The following NRG3 variants were observed in gnomAD, a reference collection of about 807,000 sequenced individuals.
The protein encoded by NRG3 is pro-neuregulin-3, membrane-bound isoform.
Under a neutral mutation model 66.9 loss-of-function variants are expected in NRG3, and 31 were observed. The observed-to-expected ratio is 0.46, with a 90% CI of 0.35 to 0.63. The LOEUF (loss-of-function observed/expected upper bound fraction) is 0.63. NRG3 is among the 20% of genes least tolerant of loss of function. The pLI, the probability that NRG3 is intolerant of heterozygous loss-of-function variation, is 0.00. For synonymous variants in NRG3, 393 were observed against 359.4 expected (o/e 1.09, Z -1.06); for missense variants, 910 against 878.9 (o/e 1.04, Z -0.45).
intron 4 of NRG3, among the ~76,000 whole-genome samples, chr10:82,871,877 C>T (rs1197069154): frequency 6.6e-6 from 1 of 151,970 alleles, no homozygotes; most frequent in Non-Finnish European, 1.5e-5. Flanking sequence ...TACCTCTTCC[C>T]TTTCCAATCT....
At chr10:82,664,065 A>G (rs2052573147) in intron 2 of NRG3, among the ~76,000 whole-genome samples, 1 of 152,160 alleles carries the variant, frequency 6.6e-6, no homozygotes, top group Admixed American at 6.5e-5. Context: ...CCCCAGGCTT[A>G]CAGTTTGATA....
chr10:82,655,177 A>T (rs1163975475), intron 2 of NRG3, among the ~76,000 whole-genome samples: 1 of 152,088 alleles, frequency 6.6e-6, no homozygotes, highest in Admixed American at 6.5e-5. Context: ...GTACACGAAG[A>T]CAAAATAAAA....
chr10:81,882,448 A>G (rs920170563), intron 1 of NRG3, among the ~76,000 whole-genome samples: 2 of 152,170 alleles, frequency 1.3e-5, no homozygotes, highest in Non-Finnish European at 2.9e-5. Context: ...ATTTATAAAC[A>G]ATATTTGTTT....
At chr10:82,200,810 G>A (rs2074762632) in intron 1 of NRG3, among the ~76,000 whole-genome samples, 1 of 152,028 alleles carries the variant, frequency 6.6e-6, no homozygotes, top group Admixed American at 6.6e-5. Context: ...TTCAGAAAAA[G>A]GGCTTGCAAT....
intron 2 of NRG3, among the ~76,000 whole-genome samples, chr10:82,723,752 G>A (rs2057436193): frequency 6.6e-6 from 1 of 152,100 alleles, no homozygotes; most frequent in South Asian, 2.1e-4. Flanking sequence ...GGCCGAGGTG[G>A]GCAGATCACT....
chr10:82,891,583 TC>T (rs1843150628), intron 4 of NRG3, among the ~76,000 whole-genome samples: 1 of 152,004 alleles, frequency 6.6e-6, no homozygotes, highest in African/African-American at 2.4e-5. Context: ...CATTTTATGC[TC>T]ATTATCGTTA....
At chr10:81,908,290 A>AT (rs1196693247) in intron 1 of NRG3, among the ~76,000 whole-genome samples, 1 of 152,138 alleles carries the variant, frequency 6.6e-6, no homozygotes, top group Non-Finnish European at 1.5e-5. Context: ...TATTTAGGCA[A>AT]TTTTATCCCT....
intron 1 of NRG3, among the ~76,000 whole-genome samples, chr10:82,065,066 A>G (rs1429640185): frequency 2.0e-5 from 3 of 152,170 alleles, no homozygotes; most frequent in South Asian, 2.1e-4. Flanking sequence ...ACAAACATCT[A>G]TCTCAATATA....
chr10:82,489,507 C>G (rs1166134012), intron 2 of NRG3, among the ~76,000 whole-genome samples: 2 of 152,120 alleles, frequency 1.3e-5, no homozygotes, highest in East Asian at 1.9e-4. Flanking sequence ...AGCAATGTCA[C>G]TCTTAGGAGG....
chr10:82,465,793 A>C (rs192960155), intron 2 of NRG3, among the ~76,000 whole-genome samples: 1 of 152,152 alleles, frequency 6.6e-6, no homozygotes, highest in African/African-American at 2.4e-5. Context: ...TAGAGCCATC[A>C]TGTTAATTCT....
chr10:82,784,634 G>A (rs2060265735), intron 3 of NRG3, among the ~76,000 whole-genome samples: 1 of 152,028 alleles, frequency 6.6e-6, no homozygotes, highest in Non-Finnish European at 1.5e-5. Flanking sequence ...TCAGAGAAAT[G>A]CAAATCAAAA....
intron 1 of NRG3, among the ~76,000 whole-genome samples, chr10:82,142,954 A>T (rs1403740014): frequency 7.0e-6 from 1 of 143,514 alleles, no homozygotes; most frequent in Non-Finnish European, 1.5e-5. Context: ...TTTCTGGTAG[A>T]GACAGAGTCT....
At chr10:82,949,565 G>C (rs528503196) in intron 4 of NRG3, among the ~76,000 whole-genome samples, 2 of 152,108 alleles carry the variant, frequency 1.3e-5, no homozygotes, top group South Asian at 4.2e-4. Flanking sequence ...TACTTAAATA[G>C]AGATCCTGGC....
chr10:82,917,650 T>C (rs1168290686), intron 4 of NRG3, among the ~76,000 whole-genome samples: 1 of 152,154 alleles, frequency 6.6e-6, no homozygotes, highest in Non-Finnish European at 1.5e-5. Context: ...GAGTCATGAC[T>C]GGACCATATT....
intron 2 of NRG3, among the ~76,000 whole-genome samples, chr10:82,711,010 G>C (rs2056631553): frequency 6.6e-6 from 1 of 152,076 alleles, no homozygotes; most frequent in South Asian, 2.1e-4. Flanking sequence ...GGCCTCAATT[G>C]ATCCTCTTGC....
At chr10:82,750,504 A>T (rs1203606336) in intron 3 of NRG3, among the ~76,000 whole-genome samples, 1 of 152,132 alleles carries the variant, frequency 6.6e-6, no homozygotes, top group Non-Finnish European at 1.5e-5. Flanking sequence ...TTTTCTCTTA[A>T]GAGAAACATC....
chr10:82,596,361 A>G (rs1017959021), intron 2 of NRG3, among the ~76,000 whole-genome samples: 4 of 152,208 alleles, frequency 2.6e-5, no homozygotes, highest in Admixed American at 1.3e-4. Context: ...TGCAGATAAT[A>G]ATGAGAAGAA....
intron 2 of NRG3, among the ~76,000 whole-genome samples, chr10:82,510,716 C>T (rs567622738): frequency 3.9e-5 from 6 of 152,270 alleles, no homozygotes; most frequent in African/African-American, 7.2e-5. Flanking sequence ...CTTTTATCTC[C>T]GTATCCTTGA....
intron 1 of NRG3, among the ~76,000 whole-genome samples, chr10:82,174,964 C>T (rs2072917414): frequency 6.6e-6 from 1 of 152,142 alleles, no homozygotes; most frequent in African/African-American, 2.4e-5. Context: ...TTATCTTACT[C>T]TAAATTGATT....
Sources: allele counts gnomAD v4.1 joint callset (sites outside exome capture counted in the v4.1 genomes callset), GRCh38; gene constraint gnomAD v4.1.1; transcripts MANE v1.5; gene names NCBI Gene and HGNC (gene_info 2026-07-23, HGNC 2026-07-21).